Variants in CAMK4 observed in about 807,000 individuals in gnomAD.
The protein encoded by CAMK4 is calcium/calmodulin-dependent protein kinase type IV.
CAMK4 carries 22 observed loss-of-function variants against 44.9 expected under a neutral mutation model. The observed-to-expected ratio is 0.49, with a 90% CI of 0.35 to 0.70. The LOEUF (loss-of-function observed/expected upper bound fraction) is 0.70. Ranked by LOEUF, CAMK4 falls within the 30% of genes least tolerant of loss-of-function variation. The pLI is 0.01. For synonymous variants in CAMK4, 218 were observed against 215.4 expected (o/e 1.01, Z -0.11); for missense variants, 498 against 586.8 (o/e 0.85, Z 1.56).
At chr5:111,475,085 C>T (rs1461038878) in intron 8 of CAMK4, among the ~76,000 whole-genome samples, 3 of 152,156 alleles carry the variant, frequency 2.0e-5, no homozygotes, top group African/African-American at 7.2e-5. Flanking sequence ...ATGGCGTGAA[C>T]CCAGGAGGCG....
At chr5:111,470,133 T>C (rs1229786359) in intron 7 of CAMK4, among the ~76,000 whole-genome samples, 1 of 152,202 alleles carries the variant, frequency 6.6e-6, no homozygotes, top group Non-Finnish European at 1.5e-5. Context: ...CTTCCTGCAA[T>C]GGCAGCATAA....
intron 5 of CAMK4, among the ~76,000 whole-genome samples, chr5:111,409,229 A>G (rs1258403427): frequency 6.6e-6 from 1 of 152,120 alleles, no homozygotes; most frequent in Non-Finnish European, 1.5e-5. Flanking sequence ...AGGCATTTCC[A>G]TACATCCTCT....
intron 5 of CAMK4, among the ~76,000 whole-genome samples, chr5:111,433,566 C>G (rs1351704559): frequency 6.6e-6 from 1 of 152,174 alleles, no homozygotes; most frequent in African/African-American, 2.4e-5. Context: ...AGTTACAATC[C>G]TACCCAGAAC....
intron 7 of CAMK4, among the ~76,000 whole-genome samples, chr5:111,471,599 G>A (rs1755068313): frequency 6.6e-6 from 1 of 152,104 alleles, no homozygotes; most frequent in African/African-American, 2.4e-5. Context: ...TGAAGTCTTA[G>A]CCTTTTTAGT....
intron 1 of CAMK4, among the ~76,000 whole-genome samples, chr5:111,235,475 T>G (rs1324252405): frequency 2.0e-5 from 3 of 152,176 alleles, no homozygotes; most frequent in Admixed American, 1.3e-4. Flanking sequence ...GACCCTGGGC[T>G]CTTCCTCTCT....
At chr5:111,459,686 CTTTTTTTTTTTTT>C (rs56176713) in intron 7 of CAMK4, among the ~76,000 whole-genome samples, 2 of 86,690 alleles carry the variant, frequency 2.3e-5, no homozygotes, top group Admixed American at 1.3e-4. Flanking sequence ...TAGAGACAGT[CTTTTTTTTTTTTT>C]TTTTTTTTTT....
intron 2 of CAMK4, among the ~76,000 whole-genome samples, chr5:111,374,584 G>C (rs945963432): frequency 6.6e-6 from 1 of 152,118 alleles, no homozygotes; most frequent in African/African-American, 2.4e-5. Context: ...TGACAGTGAT[G>C]ACTTTTGATA....
chr5:111,285,910 C>T (rs1437346289), intron 1 of CAMK4, among the ~76,000 whole-genome samples: 1 of 152,154 alleles, frequency 6.6e-6, no homozygotes, highest in African/African-American at 2.4e-5. Flanking sequence ...TAATGAGTTT[C>T]AGCACTCTGG....
chr5:111,319,994 C>A (rs41381844), intron 1 of CAMK4, among the ~76,000 whole-genome samples: 6,570 of 152,210 alleles, frequency 0.043, 163 homozygotes, highest in Middle Eastern at 0.078. Flanking sequence ...AAAAGCTTAA[C>A]TTCCAATGAG....
chr5:111,348,391 A>G (rs1242918153), intron 2 of CAMK4, among the ~76,000 whole-genome samples: 2 of 152,040 alleles, frequency 1.3e-5, no homozygotes, highest in Admixed American at 1.3e-4. Flanking sequence ...GTCAACACTG[A>G]TAATTAACAT....
In CAMK4 at chr5:111,494,864, A is replaced by C. The variant is rs1346373826; in HGVS notation, c.*10398A>C. Reference sequence around the variant, plus strand: ...AGTTGGCATGTAGAATACGATAATAAATCATTTAAGAAACCACCAAAACTT... The same window carrying C: ...AGTTGGCATGTAGAATACGATAATACATCATTTAAGAAACCACCAAAACTT... On this transcript the variant is annotated 3_prime_UTR_variant, in exon 11 of 11. Coordinates refer to ENST00000282356, the MANE Select transcript of CAMK4 (RefSeq NM_001744.6). The C allele has an allele frequency of 6.6e-6, 1 of 152,126 alleles. No homozygotes were observed. Among genetic ancestry groups the C allele is most frequent in the Non-Finnish European group, 1.5e-5 (1 of 68,010 alleles). 9.4% of individuals were successfully genotyped at this position (152,126 alleles called of 1,614,324 possible).
intron 5 of CAMK4, among the ~76,000 whole-genome samples, chr5:111,406,438 G>A (rs191225314): frequency 6.6e-6 from 1 of 152,028 alleles, no homozygotes; most frequent in African/African-American, 2.4e-5. Flanking sequence ...TGGCCAGGCT[G>A]GTCTTGAACT....
chr5:111,350,520 T>C (rs1401035863), intron 2 of CAMK4, among the ~76,000 whole-genome samples: 1 of 152,006 alleles, frequency 6.6e-6, no homozygotes, highest in Admixed American at 6.6e-5. Context: ...ACCTTCTACT[T>C]AGGTACATCT....
At chr5:111,365,080 A>G (rs1750741232) in intron 2 of CAMK4, 1 of 152,228 alleles carries the variant, frequency 6.6e-6, no homozygotes. Flanking sequence ...GAGACAGAGT[A>G]CTATCAAGTG....
At chr5:111,344,231 G>C (rs537205713) in intron 2 of CAMK4, 129 bp downstream of exon 2, 2 of 541,944 alleles carry the variant, frequency 3.7e-6, no homozygotes, top group Non-Finnish European at 6.5e-6. Context: ...TCTTGATTAC[G>C]GGAGTGCAAC....
intron 1 of CAMK4, among the ~76,000 whole-genome samples, chr5:111,286,609 C>T (rs1057318003): frequency 1.3e-5 from 2 of 152,158 alleles, no homozygotes; most frequent in Admixed American, 6.5e-5. Flanking sequence ...TCTTCTGGTC[C>T]CAAATTACAT....
At chr5:111,409,281 G>C (rs559830029) in intron 5 of CAMK4, among the ~76,000 whole-genome samples, 1 of 152,200 alleles carries the variant, frequency 6.6e-6, no homozygotes, top group South Asian at 2.1e-4. Context: ...CTTGACTTCT[G>C]TGCACCCACA....
chr5:111,308,823 G>A (rs1194538634), intron 1 of CAMK4, among the ~76,000 whole-genome samples: 1 of 152,092 alleles, frequency 6.6e-6, no homozygotes, highest in Non-Finnish European at 1.5e-5. Context: ...GAAGTAAAGG[G>A]AAAATTAAAT....
intron 1 of CAMK4, among the ~76,000 whole-genome samples, chr5:111,329,179 G>T (rs527969420): frequency 6.6e-6 from 1 of 151,782 alleles, no homozygotes; most frequent in African/African-American, 2.4e-5. Context: ...ATTCAACAAC[G>T]CTTCATGCTA....
Sources: gnomAD v4.1 joint callset for allele counts (sites outside exome capture counted in the v4.1 genomes callset) on GRCh38, gnomAD v4.1.1 for gene constraint, MANE v1.5 for transcripts, NCBI Gene and HGNC (gene_info 2026-07-23, HGNC 2026-07-21) for gene names.